The following TAFA1 variants were observed in gnomAD, a reference collection of about 807,000 sequenced individuals.
TAFA1 encodes chemokine-like protein TAFA-1.
TAFA1 carries 4 observed loss-of-function variants against 18.5 expected under a neutral mutation model. The observed-to-expected ratio is 0.22, with a 90% CI of 0.11 to 0.49. TAFA1 has a LOEUF of 0.49. Among genes scored for constraint, TAFA1 ranks in the 20% least tolerant of loss-of-function variants. The pLI is 0.98. For missense variants in TAFA1, 147 were observed against 169.0 expected, an observed-to-expected ratio of 0.87 and a Z score of 0.72; for synonymous variants, 56 against 55.2, an observed-to-expected ratio of 1.01 and a Z score of -0.06.
chr3:68,466,445 A>C (rs1475304967), intron 3 of TAFA1, among the ~76,000 whole-genome samples: 1 of 152,054 alleles, frequency 6.6e-6, no homozygotes, highest in Admixed American at 6.6e-5. Context: ...TTTTCTCTTA[A>C]ATTATAGCAA....
At chr3:68,206,017 G>T (rs144494212) in intron 2 of TAFA1, among the ~76,000 whole-genome samples, 5 of 151,852 alleles carry the variant, frequency 3.3e-5, no homozygotes, top group Admixed American at 3.3e-4. Context: ...TTCCTTTATC[G>T]TTCCATGTGT....
intron 2 of TAFA1, among the ~76,000 whole-genome samples, chr3:68,332,424 A>G (rs1040123050): frequency 6.6e-6 from 1 of 152,210 alleles, no homozygotes; most frequent in Non-Finnish European, 1.5e-5. Context: ...GATTACATCA[A>G]ACTAAAAAGT....
intron 3 of TAFA1, among the ~76,000 whole-genome samples, chr3:68,528,746 A>T (rs2073144162): frequency 1.3e-5 from 2 of 152,214 alleles, no homozygotes; most frequent in Non-Finnish European, 2.9e-5. Flanking sequence ...CATATGTTCA[A>T]CCATTTAATT....
intron 3 of TAFA1, among the ~76,000 whole-genome samples, chr3:68,524,962 C>T (rs28661454): frequency 0.29 from 44,175 of 152,026 alleles, 6,828 homozygotes; most frequent in South Asian, 0.4. Flanking sequence ...TGAGCCAACG[C>T]GCCCGGCCGT....
At chr3:68,316,517 T>A (rs2068607619) in intron 2 of TAFA1, among the ~76,000 whole-genome samples, 1 of 152,222 alleles carries the variant, frequency 6.6e-6, no homozygotes, top group Non-Finnish European at 1.5e-5. Context: ...CTTGCAGTGG[T>A]CCGGGCTTTT....
chr3:68,371,880 C>G (rs912173852), intron 2 of TAFA1, among the ~76,000 whole-genome samples: 1 of 152,168 alleles, frequency 6.6e-6, no homozygotes. Context: ...AGTGTCAGTA[C>G]CAGCTAATTG....
intron 2 of TAFA1, among the ~76,000 whole-genome samples, chr3:68,207,242 C>T (rs1382527398): frequency 6.6e-6 from 1 of 151,794 alleles, no homozygotes; most frequent in Non-Finnish European, 1.5e-5. Flanking sequence ...TTACTGTTTT[C>T]TGAAATTTTC....
chr3:68,162,260 G>A (rs1209921589), intron 2 of TAFA1, among the ~76,000 whole-genome samples: 3 of 152,166 alleles, frequency 2.0e-5, no homozygotes, highest in African/African-American at 4.8e-5. Context: ...GACTGGTTTT[G>A]TAGAAGAAAA....
Position 68,512,530 on chromosome 3 carries a change from T to C in TAFA1, c.260-26226T>C, listed in dbSNP as rs7638073. Among the ~76,000 whole-genome samples the C allele has an allele frequency of 6.7e-3, 1,021 of 152,262 alleles. 10 individuals carry two copies. The highest frequency in any genetic ancestry group is 0.023 in the African/African-American group (975 of 41,550). On this transcript the variant is annotated intron_variant, in intron 3 of 4. Transcript: ENST00000478136. The stretch of plus-strand genomic sequence containing the variant: ...AAGGTCCAGGGCCAAGAGAATTGGC[T>C]AATAATTCTTACTTCATTCTGTGCT...
chr3:68,051,162 G>A (rs541825494), intron 2 of TAFA1, among the ~76,000 whole-genome samples: 12 of 152,196 alleles, frequency 7.9e-5, no homozygotes, highest in South Asian at 4.1e-4. Context: ...GGAGGAGATG[G>A]ACTGCATAGG....
At chr3:68,112,122 A>G (rs957783085) in intron 2 of TAFA1, among the ~76,000 whole-genome samples, 1 of 152,078 alleles carries the variant, frequency 6.6e-6, no homozygotes, top group African/African-American at 2.4e-5. Context: ...TCATATAGAG[A>G]AGAGACAGAG....
intron 2 of TAFA1, among the ~76,000 whole-genome samples, chr3:68,091,805 G>C (rs936225768): frequency 1.3e-5 from 2 of 151,998 alleles, no homozygotes; most frequent in African/African-American, 4.8e-5. Flanking sequence ...TGAGATGCTG[G>C]GATCGAGACA....
At chr3:68,397,614 CA>C (rs771434276) in intron 2 of TAFA1, among the ~76,000 whole-genome samples, 1 of 152,124 alleles carries the variant, frequency 6.6e-6, no homozygotes, top group Non-Finnish European at 1.5e-5. Context: ...AACAGTGACA[CA>C]ATAAACACAC....
intron 2 of TAFA1, among the ~76,000 whole-genome samples, chr3:68,241,246 G>T (rs2066995360): frequency 1.3e-5 from 2 of 152,086 alleles, no homozygotes. Flanking sequence ...CCTATTGGAA[G>T]GAGTATAAAA....
intron 2 of TAFA1, among the ~76,000 whole-genome samples, chr3:68,254,105 C>CTATGTATG (rs60606466): frequency 0.023 from 3,364 of 145,022 alleles, 116 homozygotes; most frequent in African/African-American, 0.075. Flanking sequence ...ATCTACCTGT[C>CTATGTATG]TATGTATGTA....
chr3:68,435,139 C>T (rs1231271216), intron 3 of TAFA1, among the ~76,000 whole-genome samples: 1 of 152,040 alleles, frequency 6.6e-6, no homozygotes, highest in Non-Finnish European at 1.5e-5. Flanking sequence ...GATGGCTTCT[C>T]ATCAGAACTA....
At chr3:68,084,634 C>G (rs1238733862) in intron 2 of TAFA1, among the ~76,000 whole-genome samples, 1 of 152,058 alleles carries the variant, frequency 6.6e-6, no homozygotes, top group African/African-American at 2.4e-5. Flanking sequence ...CCCATCTCTA[C>G]TAAAACATAC....
intron 2 of TAFA1, among the ~76,000 whole-genome samples, chr3:68,144,777 G>A (rs1408779572): frequency 6.6e-6 from 1 of 152,108 alleles, no homozygotes; most frequent in African/African-American, 2.4e-5. Flanking sequence ...TAAAAGTGCA[G>A]TTTTCAGAGT....
At chr3:68,271,605 T>G (rs912515570) in intron 2 of TAFA1, among the ~76,000 whole-genome samples, 1 of 152,070 alleles carries the variant, frequency 6.6e-6, no homozygotes, top group Non-Finnish European at 1.5e-5. Flanking sequence ...AGTCCCAGGT[T>G]TTGCAACAAA....
Sources: gnomAD v4.1 joint callset for allele counts (sites outside exome capture counted in the v4.1 genomes callset) on GRCh38, gnomAD v4.1.1 for gene constraint, MANE v1.5 for transcripts, NCBI Gene and HGNC (gene_info 2026-07-23, HGNC 2026-07-21) for gene names.